LRRC4C: variants seen among roughly 807,000 people sequenced by gnomAD.
LRRC4C encodes the protein leucine-rich repeat-containing protein 4C.
In LRRC4C, 5 loss-of-function variants were observed where a neutral mutation model predicts 33.6. The ratio of observed to expected loss-of-function variants is 0.15; its 90% CI spans 0.08 to 0.31. The LOEUF (loss-of-function observed/expected upper bound fraction) is 0.31, where lower values mean the gene tolerates loss of function less well. Among genes scored for constraint, LRRC4C ranks in the 10% least tolerant of loss-of-function variants. LRRC4C has a pLI of 1.00. For missense variants in LRRC4C, 560 were observed against 796.7 expected, an observed-to-expected ratio of 0.70 and a Z score of 3.58; for synonymous variants, 329 against 302.0, an observed-to-expected ratio of 1.09 and a Z score of -0.93.
intron 4 of LRRC4C, among the ~76,000 whole-genome samples, chr11:40,308,500 A>G (rs149598701): frequency 2.0e-5 from 3 of 152,186 alleles, no homozygotes. Flanking sequence ...TTAAGTCACA[A>G]ATTTTGAAAT....
intron 3 of LRRC4C, among the ~76,000 whole-genome samples, chr11:40,616,930 AAAAG>A (rs1961908367): frequency 6.6e-6 from 1 of 151,812 alleles, no homozygotes; most frequent in African/African-American, 2.4e-5. Flanking sequence ...TGCCAAAAAA[AAAAG>A]AAAGAAAGAG....
In LRRC4C at chr11:41,163,282, C is replaced by CTTTTTTTTTTTTTT. The variant is rs1207086558; in HGVS notation, c.-495-229560_-495-229559insAAAAAAAAAAAAAA. ...GAGTAATAAACTTAGTTTACTGTAA[C>CTTTTTTTTTTTTTT]TGTTTTTTTTTTTTTTTTTCAAACA... is the stretch of plus-strand genomic sequence containing the variant. On this transcript the variant is annotated intron_variant, in intron 1 of 6. Transcript: ENST00000528697. 3.1e-3 allele frequency among the ~76,000 whole-genome samples: 58 copies of CTTTTTTTTTTTTTT among 18,512 alleles called. 1 individual carries two copies. The highest frequency in any genetic ancestry group is 7.4e-3 in the South Asian group (2 of 272). 12.1% of individuals were successfully genotyped at this position (18,512 alleles called of 152,430 possible). A position where few individuals can be genotyped will look rare whatever the true frequency, so the allele number is the denominator to read the frequency against.
chr11:40,811,006 C>A (rs1406210555), intron 2 of LRRC4C, among the ~76,000 whole-genome samples: 3 of 152,190 alleles, frequency 2.0e-5, no homozygotes, highest in Admixed American at 6.6e-5. Flanking sequence ...CATAATCAGA[C>A]CTCTGTCTTT....
chr11:41,074,119 AT>A (rs1175296348), intron 1 of LRRC4C, among the ~76,000 whole-genome samples: 1 of 152,168 alleles, frequency 6.6e-6, no homozygotes, highest in Non-Finnish European at 1.5e-5. Flanking sequence ...AATAGTCAAG[AT>A]TTTTTTGTCA....
intron 1 of LRRC4C, among the ~76,000 whole-genome samples, chr11:41,424,525 C>T (rs189436910): frequency 3.2e-4 from 48 of 152,122 alleles, no homozygotes; most frequent in Non-Finnish European, 6.0e-4. Context: ...AATCAGCCAA[C>T]TGAGTGGCTA....
chr11:40,505,227 G>A (rs535284258), intron 3 of LRRC4C, among the ~76,000 whole-genome samples: 1 of 152,220 alleles, frequency 6.6e-6, no homozygotes, highest in African/African-American at 2.4e-5. Context: ...TGGTGACCCT[G>A]GGTGGGTATG....
intron 3 of LRRC4C, among the ~76,000 whole-genome samples, chr11:40,333,571 G>T (rs1453653445): frequency 6.6e-6 from 1 of 151,898 alleles, no homozygotes; most frequent in African/African-American, 2.4e-5. Flanking sequence ...ACCAAAACTA[G>T]CAGGGGGTGG....
chr11:41,192,691 A>G (rs1449238580), intron 1 of LRRC4C, among the ~76,000 whole-genome samples: 1 of 152,060 alleles, frequency 6.6e-6, no homozygotes, highest in African/African-American at 2.4e-5. Flanking sequence ...ATTGCTATGA[A>G]AAAGGCATAC....
rs1950023042 is a variant in LRRC4C, at chr11:40,776,916, T to C, written c.-406-128638A>G. Among the ~76,000 whole-genome samples, 3 of 152,196 alleles carry C rather than the reference T, an allele frequency of 2.0e-5. No individual in the cohort carries two copies. In the South Asian group the frequency reaches 6.2e-4, roughly 32 times the overall value. On this transcript the variant is annotated intron_variant, in intron 2 of 6. Coordinates refer to ENST00000528697, the MANE Select transcript of LRRC4C (RefSeq NM_001258419.2). ...CTTTTTTGCATCCCAAATATTTTGA[T>C]ATGCTATGTCTCCTTTTTCACTTAT...
intron 1 of LRRC4C, among the ~76,000 whole-genome samples, chr11:41,293,753 A>G (rs992860945): frequency 6.6e-6 from 1 of 151,834 alleles, no homozygotes; most frequent in African/African-American, 2.4e-5. Flanking sequence ...GCGTGCCATC[A>G]TGTCCAGCTA....
Position 40,114,667 on chromosome 11 carries a change from C to T in LRRC4C, c.1626G>A (p.Val542=). The change falls in exon 7 of 7, where the codon GTG becomes GTA. Residue 542 remains valine (V), a synonymous_variant. Transcript: ENST00000528697. ...TCATCTTGTAGAAAATGACCAGCAT[C>T]ACTGCAGCCATGAGTGTGATGGCCA... ...CFVAITLMAA[V]MLVIFYKMRK... is the part of the protein sequence containing the mutation. 1 of 1,614,170 alleles carries T rather than the reference C, an allele frequency of 6.2e-7. No individual in the cohort carries two copies. Among genetic ancestry groups the T allele is most frequent in the South Asian group, 1.1e-5 (1 of 91,084 alleles).
chr11:41,064,251 G>A (rs1422844807), intron 1 of LRRC4C, among the ~76,000 whole-genome samples: 6 of 152,148 alleles, frequency 3.9e-5, no homozygotes, highest in Non-Finnish European at 2.9e-5. Flanking sequence ...TTTCCTATAT[G>A]AGGTTAATCT....
intron 2 of LRRC4C, among the ~76,000 whole-genome samples, chr11:40,913,388 T>C (rs553939326): frequency 2.6e-5 from 4 of 152,074 alleles, no homozygotes; most frequent in Non-Finnish European, 5.9e-5. Context: ...TCAGGATTAA[T>C]AAACTCACTC....
intron 1 of LRRC4C, among the ~76,000 whole-genome samples, chr11:41,150,791 TAAAATA>T (rs1388677495): frequency 0.01 from 20 of 1,938 alleles, no homozygotes; most frequent in Admixed American, 0.071. Context: ...AATAAATAAA[TAAAATA>T]AAATAAAATA....
chr11:40,318,558 C>G (rs1047387320), intron 4 of LRRC4C, among the ~76,000 whole-genome samples: 1 of 152,046 alleles, frequency 6.6e-6, no homozygotes, highest in South Asian at 2.1e-4. Flanking sequence ...GCTTATGATT[C>G]CTTTTTATAT....
intron 5 of LRRC4C, among the ~76,000 whole-genome samples, chr11:40,221,221 T>C (rs1470528494): frequency 1.3e-5 from 2 of 152,210 alleles, no homozygotes; most frequent in Non-Finnish European, 2.9e-5. Context: ...CCCTTAACAC[T>C]ACAATAGTCC....
chr11:40,525,270 C>T (rs1487041865), intron 3 of LRRC4C, among the ~76,000 whole-genome samples: 2 of 152,218 alleles, frequency 1.3e-5, no homozygotes, highest in Admixed American at 6.5e-5. Flanking sequence ...CACAGTGAAA[C>T]TCCATCTCTA....
At chr11:40,484,767 A>G (rs1953768927) in intron 3 of LRRC4C, among the ~76,000 whole-genome samples, 1 of 152,134 alleles carries the variant, frequency 6.6e-6, no homozygotes. Context: ...CATAAATATA[A>G]TTCTGTGTAA....
chr11:40,881,676 G>T (rs1444537339), intron 2 of LRRC4C, among the ~76,000 whole-genome samples: 1 of 148,542 alleles, frequency 6.7e-6, no homozygotes. Flanking sequence ...TTTTTTACTG[G>T]ACAGAAATAT....
Sources: allele counts gnomAD v4.1 joint callset (sites outside exome capture counted in the v4.1 genomes callset), GRCh38; gene constraint gnomAD v4.1.1; transcripts MANE v1.5; gene names NCBI Gene and HGNC (gene_info 2026-07-23, HGNC 2026-07-21).